Variants in HMGCLL1 observed in about 807,000 individuals in gnomAD.
The protein encoded by HMGCLL1 is 3-hydroxymethyl-3-methylglutaryl-CoA lyase, cytoplasmic.
HMGCLL1 carries 36 observed loss-of-function variants against 39.1 expected under a neutral mutation model. The ratio of observed to expected loss-of-function variants is 0.92; its 90% CI spans 0.71 to 1.22. The LOEUF is 1.22. HMGCLL1 is among the 50% of genes most tolerant of loss of function. The probability of loss-of-function intolerance (pLI) is 0.00; values close to 1 mark genes in which losing one functional copy is unlikely to be tolerated. For synonymous variants in HMGCLL1, 149 were observed against 144.0 expected, an observed-to-expected ratio of 1.03 and a Z score of -0.25; for missense variants, 451 against 416.5, an observed-to-expected ratio of 1.08 and a Z score of -0.72.
chr6:55,537,566 A>AC (rs1431708640), intron 3 of HMGCLL1, among the ~76,000 whole-genome samples: 19 of 152,150 alleles, frequency 1.2e-4, no homozygotes, highest in Non-Finnish European at 5.9e-5. Flanking sequence ...CTAATCAGGC[A>AC]TTCCCTTAAA....
rs368384150 is a variant in HMGCLL1, at chr6:55,457,687, A to AT, written c.796-18129dup. ...GTTCTCTCTCTTCATCTCTCTCATC[A>AT]TTTTTTTTCTTCTCTGTGTGTTGGC... On this transcript the variant is annotated intron_variant, in intron 7 of 8. Coordinates refer to ENST00000274901, the MANE Select transcript of HMGCLL1 (RefSeq NM_001042406.2). Among the ~76,000 whole-genome samples, 1,205 of 150,032 alleles carry AT rather than the reference A, an allele frequency of 8.0e-3. 16 individuals are homozygous for AT. Among genetic ancestry groups the AT allele is most frequent in the African/African-American group, 0.027 (1,120 of 40,798 alleles).
At position 55,543,186 on chromosome 6, in the gene HMGCLL1, A is replaced by AT. The variant is rs1403374788; in HGVS notation, c.109-1047dup. ...ATATATAATATATAATATATAATAT[A>AT]TAATATATTATATATTATATATTAT... On this transcript the variant is annotated intron_variant, in intron 1 of 8. Transcript: ENST00000274901. Among the ~76,000 whole-genome samples the AT allele has an allele frequency of 5.8e-3, 72 of 12,520 alleles. 5 individuals are homozygous for AT. Among genetic ancestry groups the AT allele is most frequent in the South Asian group, 0.014 (4 of 276 alleles). The allele number at this position is 12,520 out of a possible 152,430, so 8.2% of individuals were successfully genotyped here. A position where few individuals can be genotyped will look rare whatever the true frequency, so the allele number is the denominator to read the frequency against.
intron 3 of HMGCLL1, among the ~76,000 whole-genome samples, chr6:55,533,778 C>G (rs975953624): frequency 6.9e-6 from 1 of 145,726 alleles, no homozygotes; most frequent in Non-Finnish European, 1.5e-5. Flanking sequence ...CCCAGCTACT[C>G]GGGAGGCTGA....
chr6:55,502,903 C>T (rs1185068993), intron 5 of HMGCLL1, among the ~76,000 whole-genome samples: 1 of 151,516 alleles, frequency 6.6e-6, no homozygotes, highest in African/African-American at 2.4e-5. Context: ...TATGTTCTTA[C>T]TTTGCCTCTA....
intron 3 of HMGCLL1, among the ~76,000 whole-genome samples, chr6:55,522,289 A>G (rs1484128306): frequency 6.6e-6 from 1 of 152,024 alleles, no homozygotes; most frequent in Non-Finnish European, 1.5e-5. Context: ...GAAATTTTTT[A>G]TAGGAATTAA....
At chr6:55,584,146 T>C (rs192059888), upstream of HMGCLL1, among the ~76,000 whole-genome samples, 1 of 152,252 alleles carries the variant, frequency 6.6e-6, no homozygotes, top group East Asian at 1.9e-4. Flanking sequence ...GAGAATGTTC[T>C]TGATATCAGT....
chr6:55,484,179 G>A lies in HMGCLL1; in HGVS notation c.795+11240C>T, dbSNP rs1374858830. ...CCAAAAGCAGAAGCCATAAAGGGAT[G>A]ACAATGTGGACAATCCTTGGTCCTC... On this transcript the variant is annotated intron_variant, in intron 7 of 8. Transcript: ENST00000274901. Among the ~76,000 whole-genome samples the A allele has an allele frequency of 2.6e-5, 4 of 152,098 alleles. No homozygotes were observed. The East Asian group carries it at 7.7e-4, about 29-fold the overall frequency.
At position 55,578,999 on chromosome 6, in the gene HMGCLL1, C is replaced by T. The variant is rs774541120; in HGVS notation, c.57G>A (p.Arg19=). The part of the protein sequence containing the change: ...KHCLSYQQLL[R]EHLWIGDSVA... ...CTGAATCCCCGATCCAGAGATGCTC[C>T]CGGAGAAGCTGCTGGTAGCTGAGGC... Residue 19 remains arginine, a synonymous_variant, in exon 1 of 9, where the codon CGG becomes CGA. Coordinates refer to ENST00000274901, the MANE Select transcript of HMGCLL1 (RefSeq NM_001042406.2). The T allele has an allele frequency of 9.9e-6, 16 of 1,613,672 alleles. No individual in the cohort carries two copies. Among genetic ancestry groups the T allele is most frequent in the Middle Eastern group, 1.6e-4 (1 of 6,082 alleles).
chr6:55,558,412 C>T (rs563768397), intron 1 of HMGCLL1, among the ~76,000 whole-genome samples: 1 of 152,150 alleles, frequency 6.6e-6, no homozygotes, highest in Non-Finnish European at 1.5e-5. Context: ...TTAATCCTAT[C>T]CCCATATTCT....
chr6:55,598,718 C>T, the HMGCLL1 span, among the ~76,000 whole-genome samples: 235 of 152,246 alleles, frequency 1.5e-3, 1 homozygote, highest in African/African-American at 5.1e-3. Flanking sequence ...AGCTTGCAAA[C>T]GTTTAATGGT....
intron 3 of HMGCLL1, among the ~76,000 whole-genome samples, chr6:55,530,930 T>C (rs779948420): frequency 3.0e-4 from 45 of 152,320 alleles, no homozygotes; most frequent in South Asian, 1.2e-3. Context: ...CGCATTATCC[T>C]AATTATTTAA....
At chr6:55,560,080 G>A (rs1453070063) in intron 1 of HMGCLL1, among the ~76,000 whole-genome samples, 2 of 152,220 alleles carry the variant, frequency 1.3e-5, no homozygotes, top group Admixed American at 1.3e-4. Flanking sequence ...AGATAAATGA[G>A]CCAGAAGACA....
At chr6:55,607,921 G>T in the HMGCLL1 span, among the ~76,000 whole-genome samples, 1 of 152,106 alleles carries the variant, frequency 6.6e-6, no homozygotes, top group South Asian at 2.1e-4. Context: ...ACATCTATAA[G>T]ATGAAAGAAA....
At chr6:55,444,353 G>A (rs1022372286) in intron 7 of HMGCLL1, among the ~76,000 whole-genome samples, 5 of 151,890 alleles carry the variant, frequency 3.3e-5, no homozygotes, top group African/African-American at 7.2e-5. Flanking sequence ...TATGGGTGAC[G>A]TATATTGTAT....
chr6:55,597,091 G>A, the HMGCLL1 span, among the ~76,000 whole-genome samples: 2 of 123,140 alleles, frequency 1.6e-5, no homozygotes, highest in Admixed American at 1.9e-4. Context: ...TCCACATTTT[G>A]TTTGAATTTT....
At chr6:55,496,294 T>C (rs1218859494) in intron 6 of HMGCLL1, among the ~76,000 whole-genome samples, 1 of 152,096 alleles carries the variant, frequency 6.6e-6, no homozygotes, top group Non-Finnish European at 1.5e-5. Flanking sequence ...TACTATAAAA[T>C]AATACAAATG....
chr6:55,648,182 G>A, the HMGCLL1 span, among the ~76,000 whole-genome samples: 1 of 143,300 alleles, frequency 7.0e-6, no homozygotes, highest in Non-Finnish European at 1.5e-5. Flanking sequence ...TTGGACATTT[G>A]GGTTGGTTCC....
chr6:55,590,485 G>C, the HMGCLL1 span, among the ~76,000 whole-genome samples: 1 of 152,038 alleles, frequency 6.6e-6, no homozygotes, highest in Admixed American at 6.6e-5. Context: ...CAGGACATAG[G>C]CATGGGCAAG....
At chr6:55,636,410 G>T in the HMGCLL1 span, among the ~76,000 whole-genome samples, 3 of 151,970 alleles carry the variant, frequency 2.0e-5, no homozygotes, top group African/African-American at 7.2e-5. Flanking sequence ...AAGAACAAAG[G>T]GTCTAAGTTT....
Sources: gnomAD v4.1 joint callset for allele counts (sites outside exome capture counted in the v4.1 genomes callset) on GRCh38, gnomAD v4.1.1 for gene constraint, MANE v1.5 for transcripts, NCBI Gene and HGNC (gene_info 2026-07-23, HGNC 2026-07-21) for gene names.